The following RPS6KC1 variants were observed in gnomAD, a reference collection of about 807,000 sequenced individuals.
RPS6KC1 encodes ribosomal protein S6 kinase C1.
A neutral mutation model predicts 103.8 loss-of-function variants in RPS6KC1; 54 were observed. The ratio of observed to expected loss-of-function variants is 0.52; its 90% CI spans 0.42 to 0.65. The LOEUF (loss-of-function observed/expected upper bound fraction) is 0.65. RPS6KC1 is among the 30% of genes least tolerant of loss of function. RPS6KC1 has a pLI of 0.00. For missense variants in RPS6KC1, 1,151 were observed against 1,253.8 expected, an observed-to-expected ratio of 0.92 and a Z score of 1.24; for synonymous variants, 439 against 438.7, an observed-to-expected ratio of 1.00 and a Z score of -0.01.
chr1:213,096,476 G>C (rs997696395), intron 3 of RPS6KC1, among the ~76,000 whole-genome samples: 1 of 152,102 alleles, frequency 6.6e-6, no homozygotes, highest in Non-Finnish European at 1.5e-5. Flanking sequence ...ATCACTTGAG[G>C]TCAGGAGTTC....
At chr1:213,259,734 ATTTTT>A (rs71147063) in intron 12 of RPS6KC1, among the ~76,000 whole-genome samples, 2 of 97,918 alleles carry the variant, frequency 2.0e-5, no homozygotes, top group Non-Finnish European at 3.8e-5. Flanking sequence ...TGTTTTTTTA[ATTTTT>A]TTTTTTTTTT....
chr1:213,650,882 C>A, the RPS6KC1 span, among the ~76,000 whole-genome samples: 1 of 144,688 alleles, frequency 6.9e-6, no homozygotes, highest in Non-Finnish European at 1.5e-5. Context: ...GAGCAGACTT[C>A]TGAGCAAATA....
chr1:213,718,843 G>A, the RPS6KC1 span, among the ~76,000 whole-genome samples: 45 of 152,300 alleles, frequency 3.0e-4, no homozygotes, highest in African/African-American at 1.1e-3. Context: ...ATAGTTCTGG[G>A]GTGGGACCTG....
At chr1:213,553,430 C>G in the RPS6KC1 span, among the ~76,000 whole-genome samples, 150 of 152,272 alleles carry the variant, frequency 9.9e-4, 2 homozygotes, top group East Asian at 0.026. Flanking sequence ...TAGGTTGATT[C>G]TATGTCTTTG....
the RPS6KC1 span, among the ~76,000 whole-genome samples, chr1:213,516,921 T>A: frequency 3.7e-4 from 57 of 152,338 alleles, 2 homozygotes; most frequent in South Asian, 0.012. Context: ...TATTGGGCTA[T>A]TCAGAGAGTC....
the RPS6KC1 span, among the ~76,000 whole-genome samples, chr1:213,477,380 A>AT: frequency 0.05 from 7,507 of 149,790 alleles, 608 homozygotes; most frequent in African/African-American, 0.17. Context: ...TCATCTATTG[A>AT]TTTTTTTGAA....
the RPS6KC1 span, among the ~76,000 whole-genome samples, chr1:213,606,167 GAC>G: frequency 6.6e-6 from 1 of 152,180 alleles, no homozygotes; most frequent in Non-Finnish European, 1.5e-5. Context: ...ATCTCACAAA[GAC>G]ACAAATTTCC....
the RPS6KC1 span, among the ~76,000 whole-genome samples, chr1:213,558,488 C>T: frequency 6.6e-6 from 1 of 152,150 alleles, no homozygotes; most frequent in Non-Finnish European, 1.5e-5. Context: ...CTAGTGAGCA[C>T]AAAGCAACAC....
At chr1:213,560,719 T>C in the RPS6KC1 span, among the ~76,000 whole-genome samples, 3 of 152,200 alleles carry the variant, frequency 2.0e-5, no homozygotes, top group Non-Finnish European at 4.4e-5. Context: ...AATTTTTTAC[T>C]CTGTGATAGA....
the RPS6KC1 span, among the ~76,000 whole-genome samples, chr1:213,802,250 A>C: frequency 6.6e-6 from 1 of 152,324 alleles, no homozygotes; most frequent in African/African-American, 2.4e-5. Flanking sequence ...AAGGAAACAC[A>C]CTCAACTGCA....
chr1:213,698,289 A>G, the RPS6KC1 span, among the ~76,000 whole-genome samples: 1 of 152,202 alleles, frequency 6.6e-6, no homozygotes, highest in Non-Finnish European at 1.5e-5. Flanking sequence ...TTGCCTGGCC[A>G]AAGTTCATTT....
At chr1:213,079,735 C>T in intron 3 of RPS6KC1, among the ~76,000 whole-genome samples, 1 of 151,724 alleles carries the variant, frequency 6.6e-6, no homozygotes, top group East Asian at 1.9e-4. Flanking sequence ...TTTAAAGAGG[C>T]ATGTGGCTAA....
chr1:213,472,508 T>C, the RPS6KC1 span, among the ~76,000 whole-genome samples: 2 of 152,202 alleles, frequency 1.3e-5, no homozygotes. Context: ...CCCGTGAGGC[T>C]TTGGGAAATC....
chr1:213,296,876 G>T, the RPS6KC1 span, among the ~76,000 whole-genome samples: 1 of 152,158 alleles, frequency 6.6e-6, no homozygotes, highest in Non-Finnish European at 1.5e-5. Context: ...TTTTTTAAAG[G>T]TGCTTACTAC....
At chr1:213,780,065 A>C in the RPS6KC1 span, among the ~76,000 whole-genome samples, 59 of 152,320 alleles carry the variant, frequency 3.9e-4, no homozygotes, top group African/African-American at 1.4e-3. Flanking sequence ...AAACATTTAC[A>C]TGTAAATTTA....
chr1:213,456,151 T>G, the RPS6KC1 span, among the ~76,000 whole-genome samples: 4 of 152,212 alleles, frequency 2.6e-5, no homozygotes, highest in Non-Finnish European at 5.9e-5. Context: ...GGATTAGTTT[T>G]GTGCTCAAAA....
At chr1:213,423,520 T>C in the RPS6KC1 span, among the ~76,000 whole-genome samples, 170 of 151,814 alleles carry the variant, frequency 1.1e-3, 1 homozygote, top group Non-Finnish European at 2.2e-3. Context: ...CCCAGGAGGG[T>C]GGCTTTGGGG....
At chr1:213,343,069 A>G in the RPS6KC1 span, among the ~76,000 whole-genome samples, 2 of 152,100 alleles carry the variant, frequency 1.3e-5, no homozygotes, top group African/African-American at 4.8e-5. Flanking sequence ...AATACAAGAC[A>G]ATATTGTATT....
At chr1:213,290,076 C>T in the RPS6KC1 span, among the ~76,000 whole-genome samples, 1 of 126,420 alleles carries the variant, frequency 7.9e-6, no homozygotes, top group African/African-American at 3.1e-5. Context: ...ACCTGGGAGG[C>T]GGAGCTTGCA....
Sources: gnomAD v4.1 joint callset for allele counts (sites outside exome capture counted in the v4.1 genomes callset) on GRCh38, gnomAD v4.1.1 for gene constraint, MANE v1.5 for transcripts, NCBI Gene and HGNC (gene_info 2026-07-23, HGNC 2026-07-21) for gene names.